PPARG: variants seen among roughly 807,000 people sequenced by gnomAD.
PPARG encodes peroxisome proliferator activated receptor gamma, also known as peroxisome proliferator-activated receptor gamma.
In PPARG, 17 loss-of-function variants were observed where a neutral mutation model predicts 39.2. The observed-to-expected ratio is 0.43, with a 90% CI of 0.30 to 0.65. The LOEUF is 0.65. Among genes scored for constraint, PPARG ranks in the 30% least tolerant of loss-of-function variants. PPARG has a pLI of 0.13. For missense variants in PPARG, 406 were observed against 585.9 expected, an observed-to-expected ratio of 0.69 and a Z score of 3.17; for synonymous variants, 223 against 215.7, an observed-to-expected ratio of 1.03 and a Z score of -0.30.
At chr3:12,425,940 T>A (rs1228948011) in intron 7 of PPARG, among the ~76,000 whole-genome samples, 3 of 152,202 alleles carry the variant, frequency 2.0e-5, no homozygotes, top group Non-Finnish European at 4.4e-5. Context: ...CAGTTTCCAC[T>A]GGTGGTGCTG....
chr3:12,402,265 C>G (rs1287679843), intron 5 of PPARG, among the ~76,000 whole-genome samples: 2 of 152,130 alleles, frequency 1.3e-5, no homozygotes, highest in African/African-American at 4.8e-5. Context: ...TTCTAGTCAC[C>G]TCTATTTTGT....
intron 2 of PPARG, among the ~76,000 whole-genome samples, chr3:12,358,077 A>G (rs915741855): frequency 6.6e-6 from 1 of 152,250 alleles, no homozygotes; most frequent in Non-Finnish European, 1.5e-5. Context: ...GCTACAAACC[A>G]GGCACAAATA....
At chr3:12,339,980 C>G (rs1232135195) in intron 2 of PPARG, among the ~76,000 whole-genome samples, 2 of 152,124 alleles carry the variant, frequency 1.3e-5, no homozygotes, top group African/African-American at 4.8e-5. Flanking sequence ...CTGAAAGTTC[C>G]GTACAAGACT....
intron 7 of PPARG, among the ~76,000 whole-genome samples, chr3:12,417,902 C>CTTTTTTTTTTTTTTTTT (rs869086237): frequency 1.6e-3 from 107 of 65,886 alleles, no homozygotes; most frequent in Admixed American, 1.9e-3. Flanking sequence ...TTTTTTTTTC[C>CTTTTTTTTTTTTTTTTT]TTTTTTTTTT....
intron 2 of PPARG, among the ~76,000 whole-genome samples, chr3:12,359,412 TA>T (rs1422632922): frequency 4.6e-5 from 7 of 152,014 alleles, no homozygotes; most frequent in Non-Finnish European, 4.4e-5. Flanking sequence ...GAAAACATTA[TA>T]AAAAAATGGG....
chr3:12,287,790 C>T (rs1222421344), upstream of PPARG: 3 of 16,790 alleles, frequency 1.8e-4, no homozygotes, highest in African/African-American at 1.4e-3. Flanking sequence ...TCGCGCGCCG[C>T]CGCCCCCGCC....
At chr3:12,405,646 C>T (rs1000206701) in intron 5 of PPARG, among the ~76,000 whole-genome samples, 2 of 152,190 alleles carry the variant, frequency 1.3e-5, no homozygotes, top group Non-Finnish European at 2.9e-5. Context: ...TTCACTTTCT[C>T]AGCAGGAGTA....
intron 7 of PPARG, among the ~76,000 whole-genome samples, chr3:12,430,278 A>G (rs1227441596): frequency 6.6e-6 from 1 of 152,262 alleles, no homozygotes. Flanking sequence ...GCTCTTGGCC[A>G]GAACAGCCTT....
chr3:12,425,776 G>A (rs933249268), intron 7 of PPARG, among the ~76,000 whole-genome samples: 1 of 152,190 alleles, frequency 6.6e-6, no homozygotes. Context: ...CGCATGGCTG[G>A]ACGTAAATTG....
At chr3:12,296,254 C>CAAAAAAAAAAAAA (rs545210244) in intron 1 of PPARG, among the ~76,000 whole-genome samples, 6 of 48,620 alleles carry the variant, frequency 1.2e-4, no homozygotes, top group African/African-American at 1.6e-4. Flanking sequence ...CACTTTGTCT[C>CAAAAAAAAAAAAA]AAAAAAAAAA....
chr3:12,381,224 C>A, intron 3 of PPARG, 98 bp from the exon 4 acceptor site: 1 of 1,199,292 alleles, frequency 8.3e-7, no homozygotes. Context: ...TGAAACAATA[C>A]AAATACAGCA....
At chr3:12,353,937 TTAAGTCG>T (rs2048573667) in intron 2 of PPARG, among the ~76,000 whole-genome samples, 1 of 152,206 alleles carries the variant, frequency 6.6e-6, no homozygotes, top group South Asian at 2.1e-4. Context: ...TTCTACAATT[TTAAGTCG>T]TTGCACCAGA....
In PPARG at chr3:12,392,062, A is replaced by G. The variant is rs551492201; in HGVS notation, c.391-552A>G. 3.3e-5 allele frequency among the ~76,000 whole-genome samples: 5 copies of G among 152,322 alleles called. No individual in the cohort carries two copies. In the East Asian group the frequency reaches 9.6e-4, roughly 29 times the overall value. On this transcript the variant is annotated intron_variant, in intron 4 of 7. Coordinates refer to ENST00000651735, the MANE Select transcript of PPARG (RefSeq NM_138711.6). ...TCTCTTTCTGTCTGTAAGCCACAAC[A>G]ATGATGGGGCACACTTTAAACAACA...
At chr3:12,430,041 G>A (rs1298207934) in intron 7 of PPARG, among the ~76,000 whole-genome samples, 1 of 152,202 alleles carries the variant, frequency 6.6e-6, no homozygotes, top group East Asian at 1.9e-4. Context: ...TTCTTTAATG[G>A]AAGAAAAGTA....
intron 5 of PPARG, among the ~76,000 whole-genome samples, chr3:12,401,076 A>G (rs1397372276): frequency 1.3e-5 from 2 of 152,210 alleles, no homozygotes; most frequent in Non-Finnish European, 2.9e-5. Flanking sequence ...ATACACTTGT[A>G]TATGAGTACA....
At chr3:12,365,153 G>A (rs1347370449) in intron 2 of PPARG, among the ~76,000 whole-genome samples, 2 of 152,174 alleles carry the variant, frequency 1.3e-5, no homozygotes, top group African/African-American at 4.8e-5. Flanking sequence ...ATCTAATGCA[G>A]CCACTGATCT....
intron 7 of PPARG, among the ~76,000 whole-genome samples, chr3:12,423,613 T>C (rs2051335721): frequency 1.3e-5 from 2 of 152,222 alleles, no homozygotes. Context: ...CTTCATCTGC[T>C]AGCATCTACA....
At chr3:12,312,840 G>A (rs2047286655) in intron 2 of PPARG, among the ~76,000 whole-genome samples, 1 of 152,146 alleles carries the variant, frequency 6.6e-6, no homozygotes. Context: ...TGGCCATGCA[G>A]TCATAATCTG....
chr3:12,407,414 G>A (rs1368525891), intron 6 of PPARG, among the ~76,000 whole-genome samples: 2 of 152,166 alleles, frequency 1.3e-5, no homozygotes, highest in Non-Finnish European at 2.9e-5. Flanking sequence ...GCCCGCCTCT[G>A]CCTCCCAAAG....
Sources: gnomAD v4.1 joint callset for allele counts (sites outside exome capture counted in the v4.1 genomes callset) on GRCh38, gnomAD v4.1.1 for gene constraint, MANE v1.5 for transcripts, NCBI Gene and HGNC (gene_info 2026-07-23, HGNC 2026-07-21) for gene names.